Variants in FMNL2 observed in about 807,000 individuals in gnomAD.
The protein encoded by FMNL2 is formin-like protein 2.
A neutral mutation model predicts 130.2 loss-of-function variants in FMNL2; 51 were observed. The ratio of observed to expected loss-of-function variants is 0.39; its 90% confidence interval spans 0.31 to 0.49. The LOEUF (loss-of-function observed/expected upper bound fraction) is 0.49. Ranked by LOEUF, FMNL2 falls within the 20% of genes least tolerant of loss-of-function variation. FMNL2 has a pLI of 0.85. For synonymous variants in FMNL2, 465 were observed against 467.1 expected (o/e 1.00, Z 0.06); for missense variants, 977 against 1,316.2 (o/e 0.74, Z 3.99).
At chr2:152,344,218 A>C (rs1560282228) in intron 1 of FMNL2, among the ~76,000 whole-genome samples, 1 of 152,184 alleles carries the variant, frequency 6.6e-6, no homozygotes, top group Non-Finnish European at 1.5e-5. Flanking sequence ...AATTCTGATA[A>C]ATTTGTCTGG....
intron 2 of FMNL2, among the ~76,000 whole-genome samples, chr2:152,537,012 T>G (rs1009918397): frequency 6.6e-6 from 1 of 152,148 alleles, no homozygotes; most frequent in African/African-American, 2.4e-5. Flanking sequence ...TTTCAAACCT[T>G]TACACAGAAA....
chr2:152,391,406 C>T (rs564970654), intron 1 of FMNL2, among the ~76,000 whole-genome samples: 1 of 152,204 alleles, frequency 6.6e-6, no homozygotes, highest in South Asian at 2.1e-4. Flanking sequence ...TAACTGAAGG[C>T]AGTAGAGGTA....
chr2:152,457,025 A>G (rs903395558), intron 1 of FMNL2, among the ~76,000 whole-genome samples: 8 of 152,044 alleles, frequency 5.3e-5, no homozygotes, highest in African/African-American at 1.9e-4. Context: ...TATACTTGCT[A>G]CCAATTCTGG....
At chr2:152,637,768 TC>T in intron 23 of FMNL2, 94 bp downstream of exon 23, 1 of 1,086,266 alleles carries the variant, frequency 9.2e-7, no homozygotes, top group Non-Finnish European at 1.4e-6. Flanking sequence ...GCCTCCCAGT[TC>T]CTGTGGACAG....
intron 1 of FMNL2, among the ~76,000 whole-genome samples, chr2:152,368,054 G>C (rs1159388944): frequency 6.6e-6 from 1 of 152,114 alleles, no homozygotes; most frequent in Non-Finnish European, 1.5e-5. Flanking sequence ...GAGACTTACT[G>C]GACTAGCTCA....
intron 18 of FMNL2, 106 bp from the exon 19 acceptor site, chr2:152,629,550 T>C (rs1580135583): frequency 1.0e-6 from 1 of 1,000,990 alleles, no homozygotes. Flanking sequence ...GCCTGTATGC[T>C]CTAAATGCAG....
intron 4 of FMNL2, among the ~76,000 whole-genome samples, chr2:152,555,799 C>T (rs925976931): frequency 6.6e-6 from 1 of 152,206 alleles, no homozygotes; most frequent in Non-Finnish European, 1.5e-5. Context: ...TTTCCAAAAC[C>T]TATAATCACC....
intron 6 of FMNL2, among the ~76,000 whole-genome samples, chr2:152,568,223 T>TTTTTTTTTTTGTTTTGTTTTTG (rs1553478444): frequency 0.045 from 5,885 of 132,198 alleles, 234 homozygotes; most frequent in East Asian, 0.18. Flanking sequence ...GGTGGGTTTT[T>TTTTTTTTTTTGTTTTGTTTTTG]TTTTTTTTTT....
chr2:152,616,908 A>G (rs993235845), intron 12 of FMNL2, among the ~76,000 whole-genome samples, 183 bp from the exon 13 acceptor site: 12 of 152,198 alleles, frequency 7.9e-5, no homozygotes, highest in Non-Finnish European at 1.5e-4. Flanking sequence ...TAAGTTATCA[A>G]TTCCTGGTAG....
chr2:152,418,468 C>T (rs1053256793), intron 1 of FMNL2, among the ~76,000 whole-genome samples: 2 of 152,140 alleles, frequency 1.3e-5, no homozygotes, highest in Non-Finnish European at 2.9e-5. Context: ...ATTCCCCCCA[C>T]CCCTTCCCCT....
chr2:152,371,257 A>G (rs992612993), intron 1 of FMNL2, among the ~76,000 whole-genome samples: 1 of 152,236 alleles, frequency 6.6e-6, no homozygotes, highest in Non-Finnish European at 1.5e-5. Context: ...TCAATTGGCT[A>G]GGATCATTGG....
At chr2:152,624,794 G>A (rs917598007) in intron 15 of FMNL2, among the ~76,000 whole-genome samples, 2 of 152,162 alleles carry the variant, frequency 1.3e-5, no homozygotes, top group African/African-American at 2.4e-5. Context: ...CCATGATTGC[G>A]GCACTGCACT....
intron 1 of FMNL2, among the ~76,000 whole-genome samples, chr2:152,435,618 A>G (rs532006487): frequency 1.3e-5 from 2 of 151,476 alleles, no homozygotes; most frequent in African/African-American, 4.8e-5. Flanking sequence ...GTGATGGTGT[A>G]TTGGTAAAAG....
At chr2:152,553,726 A>G (rs1399033754) in intron 4 of FMNL2, among the ~76,000 whole-genome samples, 2 of 151,578 alleles carry the variant, frequency 1.3e-5, no homozygotes, top group Non-Finnish European at 2.9e-5. Flanking sequence ...TACATATAAA[A>G]TAAATGTTAT....
chr2:152,640,314 C>T (rs1299583822), intron 24 of FMNL2, among the ~76,000 whole-genome samples: 1 of 152,210 alleles, frequency 6.6e-6, no homozygotes, highest in African/African-American at 2.4e-5. Context: ...TACAGAGAGG[C>T]CACACCAGAT....
intron 1 of FMNL2, among the ~76,000 whole-genome samples, chr2:152,353,586 A>C (rs1261227803): frequency 1.3e-5 from 2 of 152,166 alleles, no homozygotes; most frequent in Non-Finnish European, 2.9e-5. Context: ...CTGAGTTTGA[A>C]TCAGGATTTT....
At chr2:152,603,428 T>C (rs16831431) in intron 9 of FMNL2, among the ~76,000 whole-genome samples, 6,505 of 136,364 alleles carry the variant, frequency 0.048, 297 homozygotes, top group Middle Eastern at 0.11. Flanking sequence ...AGATTAGAGG[T>C]ATTTCTCTGT....
intron 20 of FMNL2, among the ~76,000 whole-genome samples, chr2:152,631,765 G>C (rs1294356673): frequency 6.6e-6 from 1 of 152,154 alleles, no homozygotes; most frequent in Non-Finnish European, 1.5e-5. Context: ...TCATTCTTAG[G>C]TGCTTAGAGT....
At chr2:152,638,522 T>G (rs991561062) in intron 23 of FMNL2, among the ~76,000 whole-genome samples, 15 of 152,232 alleles carry the variant, frequency 9.9e-5, no homozygotes, top group African/African-American at 3.6e-4. Flanking sequence ...CTGAAGGCTC[T>G]GGAAAATCAT....
Sources: gnomAD v4.1 joint callset for allele counts (sites outside exome capture counted in the v4.1 genomes callset) on GRCh38, gnomAD v4.1.1 for gene constraint, MANE v1.5 for transcripts, NCBI Gene and HGNC (gene_info 2026-07-23, HGNC 2026-07-21) for gene names.